RNF112: variants seen among roughly 807,000 people sequenced by gnomAD.
RNF112 encodes ring finger protein 112.
In RNF112, 34 loss-of-function variants were observed where a neutral mutation model predicts 64.7. The observed-to-expected ratio is 0.53, with a 90% CI of 0.40 to 0.70. The LOEUF is 0.70. Among genes scored for constraint, RNF112 ranks in the 30% least tolerant of loss-of-function variants. RNF112 has a pLI of 0.00. For synonymous variants in RNF112, 345 were observed against 344.5 expected, an observed-to-expected ratio of 1.00 and a Z score of -0.02; for missense variants, 734 against 850.0, an observed-to-expected ratio of 0.86 and a Z score of 1.70.
rs752619583 is a variant in RNF112 at position 19,415,190 on chromosome 17, C to A, written c.1279C>A (p.Leu427Ile). Residue 427 changes from leucine to isoleucine, a missense_variant, in exon 11 of 14, where the codon CTA becomes ATA. Coordinates refer to ENST00000461366, the MANE Select transcript of RNF112 (RefSeq NM_007148.5). This position sits in a 1 kb window ranked among gnomAD's most constrained non-coding sequence, Gnocchi z 7.8. ...GDRRLLTGQQ[L>I]AQEIKNLSGW... is the part of the protein sequence containing the mutation. The stretch of plus-strand genomic sequence containing the variant: ...CAGACGCCTACTCACGGGGCAGCAG[C>A]TAGCTCAGGAAATCAAGGTGTGAAA... 11 of 1,606,368 alleles carry A rather than the reference C, an allele frequency of 6.8e-6. No individual in the cohort carries two copies. The South Asian group carries it at 1.2e-4, about 18-fold the overall frequency.
At position 19,413,823 on chromosome 17, in the gene RNF112, C is replaced by T. The variant is rs1346760286; in HGVS notation, c.825+142C>T. The T allele has an allele frequency of 1.3e-5, 9 of 688,272 alleles. No homozygotes were observed. Among genetic ancestry groups the T allele is most frequent in the Admixed American group, 1.1e-4 (4 of 35,182 alleles). The allele number at this position is 688,272 out of a possible 1,614,324, so 42.6% of individuals were successfully genotyped here. A position where few individuals can be genotyped will look rare whatever the true frequency, so the allele number is the denominator to read the frequency against. ...GCTGCCTTAGAAGGGGGAAGGTGCT[C>T]CTAGTTGGTGAAGGTGGGAACGTGG... is the stretch of plus-strand genomic sequence containing the variant. On this transcript the variant is annotated intron_variant, in intron 6 of 13. Transcript: ENST00000461366. The surrounding 1 kb of genome is among the most constrained non-coding windows in gnomAD (Gnocchi z 5.9).
rs936583449 is a variant in RNF112 at position 19,413,187 on chromosome 17, G to T, written c.588+43G>T. On this transcript the variant is annotated intron_variant, in intron 4 of 13. Transcript: ENST00000461366. The surrounding 1 kb of genome is among the most constrained non-coding windows in gnomAD (Gnocchi z 5.9). ...CAGGAGGGAGGCGGGGAGCAAGGAT[G>T]GGGGTTCCTGCCTGGGGGAAGCTGG... 1.3e-6 allele frequency: 2 copies of T among 1,599,986 alleles called. No individual in the cohort carries two copies. Among genetic ancestry groups the T allele is most frequent in the Non-Finnish European group, 1.7e-6 (2 of 1,171,582 alleles).
At position 19,415,050 on chromosome 17, in the gene RNF112, A is replaced by T; in HGVS notation, c.1139A>T (p.Asp380Val). Reference sequence around the variant, plus strand: ...ATCTCTCCCTCAGACACAGATGATGACTTCCGCCACCTTCTGGGGGCCTAC... The same window carrying T: ...ATCTCTCCCTCAGACACAGATGATGTCTTCCGCCACCTTCTGGGGGCCTAC... ...GHASPGDTDD[D>V]FRHLLGAYVS... is the part of the protein sequence containing the mutation. The change falls in exon 11 of 14, where the codon GAC becomes GTC. Residue 380 changes from aspartate (D) to valine (V), a missense_variant. Asp to Val is a radical substitution (Grantham distance 152, BLOSUM62 -3). Coordinates refer to ENST00000461366, the MANE Select transcript of RNF112 (RefSeq NM_007148.5). The surrounding 1 kb of genome is among the most constrained non-coding windows in gnomAD (Gnocchi z 7.8). 1 of 1,587,202 alleles carries T rather than the reference A, an allele frequency of 6.3e-7. No individual in the cohort carries two copies.
chr17:19,411,735 C>G, intron 2 of RNF112, 65 bp downstream of exon 2: 3 of 1,501,878 alleles, frequency 2.0e-6, no homozygotes, highest in African/African-American at 1.4e-5. Flanking sequence ...GTTGAAATGG[C>G]CGGTCCTGGA....
rs550941836 is a variant in RNF112 at position 19,414,392 on chromosome 17, G to T, written c.877-57G>T. The T allele has an allele frequency of 6.9e-6, 11 of 1,600,368 alleles. No homozygotes were observed. The African/African-American group carries it at 1.3e-4, about 19-fold the overall frequency. On this transcript the variant is annotated intron_variant, in intron 7 of 13. Coordinates refer to ENST00000461366, the MANE Select transcript of RNF112 (RefSeq NM_007148.5). ...AGGGAGGTGGGGAGACAGGCTTGGG[G>T]TGCACCATAGTCCTCAAAGTGGCCC... is the stretch of plus-strand genomic sequence containing the variant.
chr17:19,411,769 G>A (rs1271537714), intron 2 of RNF112, 99 bp downstream of exon 2: 29 of 1,291,394 alleles, frequency 2.2e-5, no homozygotes, highest in Admixed American at 1.5e-4. Context: ...CAGCCCAGCC[G>A]GGAGGGCTGT....
In RNF112 at chr17:19,413,425, T is replaced by C. The variant is rs1436672278; in HGVS notation, c.720+14T>C. 5.0e-6 allele frequency: 8 copies of C among 1,600,344 alleles called. No individual in the cohort carries two copies. Among genetic ancestry groups the C allele is most frequent in the Non-Finnish European group, 6.8e-6 (8 of 1,172,036 alleles). ...GAAGGGAAGAAGGTGAGGGGGGAAGTGGCAGAAGGAGGTCAGGGATGGGAA... is the reference window on the plus strand; with the variant it reads ...GAAGGGAAGAAGGTGAGGGGGGAAGCGGCAGAAGGAGGTCAGGGATGGGAA... On this transcript the variant is annotated intron_variant, in intron 5 of 13. Transcript: ENST00000461366. This position sits in a 1 kb window ranked among gnomAD's most constrained non-coding sequence, Gnocchi z 5.9.
At chr17:19,414,419 G>C (rs1567936224) in intron 7 of RNF112, 30 bp from the exon 8 acceptor site, 1 of 1,613,830 alleles carries the variant, frequency 6.2e-7, no homozygotes. Flanking sequence ...AAGTGGCCCA[G>C]CCCTGACGCT....
In RNF112 at chr17:19,415,820, G is replaced by A. The variant is rs1430511236; in HGVS notation, c.1541G>A (p.Cys514Tyr). ...GCCCGCCATGGTGTGGCCTTACTCT[G>A]CAAGGGGAGAGATCAGACCTTGGAG... ...ILARHGVALLCKGRDQTLEAL... is the reference protein window; with the variant it reads ...ILARHGVALLYKGRDQTLEAL... Residue 514 changes from cysteine to tyrosine, a missense_variant, in exon 14 of 14, where the codon TGC becomes TAC. By Grantham distance (194) the Cys-to-Tyr change is radical. Transcript: ENST00000461366. This position sits in a 1 kb window ranked among gnomAD's most constrained non-coding sequence, Gnocchi z 7.8. 2 of 1,613,822 alleles carry A rather than the reference G, an allele frequency of 1.2e-6. No homozygotes were observed. The highest frequency in any genetic ancestry group is 8.5e-7 in the Non-Finnish European group (1 of 1,179,886).
At chr17:19,414,951 C>T in intron 10 of RNF112, 64 bp downstream of exon 10, 2 of 1,594,182 alleles carry the variant, frequency 1.3e-6, no homozygotes, top group Non-Finnish European at 1.7e-6. Context: ...GCAACCGAGC[C>T]CCTTGAAGCA....
In RNF112 at chr17:19,416,967, G is replaced by A. The variant is rs1186414932; in HGVS notation, c.*792G>A. 6.6e-6 allele frequency: 1 copy of A among 152,018 alleles called. No homozygotes were observed. Among genetic ancestry groups the A allele is most frequent in the African/African-American group, 2.4e-5 (1 of 41,354 alleles). The allele number at this position is 152,018 out of a possible 1,614,324, so 9.4% of individuals were successfully genotyped here. On this transcript the variant is annotated 3_prime_UTR_variant, in exon 14 of 14. Coordinates refer to ENST00000461366, the MANE Select transcript of RNF112 (RefSeq NM_007148.5). ...AGAATAACACCTTTTCTTGCATTCTGAGCTAAGCCAGACAGCCTTTATACT... is the reference window on the plus strand; with the variant it reads ...AGAATAACACCTTTTCTTGCATTCTAAGCTAAGCCAGACAGCCTTTATACT...
chr17:19,415,688 T>C lies in RNF112; in HGVS notation c.1426-17T>C, dbSNP rs1598137260. 1 of 1,601,420 alleles carries C rather than the reference T, an allele frequency of 6.2e-7. No individual in the cohort carries two copies. On this transcript the variant is annotated splice_polypyrimidine_tract_variant and intron_variant, in intron 13 of 13. Coordinates refer to ENST00000461366, the MANE Select transcript of RNF112 (RefSeq NM_007148.5). The surrounding 1 kb of genome is among the most constrained non-coding windows in gnomAD (Gnocchi z 7.8). ...GACTCCTGGTCAGGGCACCTTCTTT[T>C]CCCCTCCCTGTCACAGGACGTAGCC...
Position 19,412,842 on chromosome 17 carries a change from T to C in RNF112, c.381+59T>C. 1 of 1,590,004 alleles carries C rather than the reference T, an allele frequency of 6.3e-7. No homozygotes were observed. The highest frequency in any genetic ancestry group is 8.5e-7 in the Non-Finnish European group (1 of 1,172,006). ...GAGGAGGGGGTGGCTTTGGCCCTATTCTAGAACATCAGGACACAGAGCTCC... is the reference window on the plus strand; with the variant it reads ...GAGGAGGGGGTGGCTTTGGCCCTATCCTAGAACATCAGGACACAGAGCTCC... On this transcript the variant is annotated intron_variant, in intron 3 of 13. Transcript: ENST00000461366. The surrounding 1 kb of genome is among the most constrained non-coding windows in gnomAD (Gnocchi z 5.1).
chr17:19,413,304 AGAG>A lies in RNF112; in HGVS notation c.620_622del (p.Gly207del). 6.2e-7 allele frequency: 1 copy of A among 1,612,006 alleles called. No individual in the cohort carries two copies. The highest frequency in any genetic ancestry group is 8.5e-7 in the Non-Finnish European group (1 of 1,178,714). On this transcript the variant is annotated inframe_deletion, in exon 5 of 14. Transcript: ENST00000461366. The surrounding 1 kb of genome is among the most constrained non-coding windows in gnomAD (Gnocchi z 5.9). ...GGAGTCTGGTGAGGGCGGCCGGCCAAGAGGAGGAGAGGCATCCCTGCAGGGCTG... is the reference window on the plus strand; with the variant it reads ...GGAGTCTGGTGAGGGCGGCCGGCCAAGAGGAGAGGCATCCCTGCAGGGCTG...
At chr17:19,411,756 C>G (rs558289437) in intron 2 of RNF112, 86 bp downstream of exon 2, 3 of 1,406,506 alleles carry the variant, frequency 2.1e-6, no homozygotes, top group East Asian at 2.5e-5. Flanking sequence ...ACACAGAGCC[C>G]GGCAGCCCAG....
chr17:19,412,113 G>T lies in RNF112; in HGVS notation c.96-385G>T, dbSNP rs757000657. Among the ~76,000 whole-genome samples, 3 of 152,214 alleles carry T rather than the reference G, an allele frequency of 2.0e-5. No homozygotes were observed. The highest frequency in any genetic ancestry group is 4.4e-5 in the Non-Finnish European group (3 of 68,032). The stretch of plus-strand genomic sequence containing the variant: ...CCTCCTCTCGGATGGCCACCCCAAC[G>T]GCCCCATGAGGGGTATTGCTATCCT... On this transcript the variant is annotated intron_variant, in intron 2 of 13. Coordinates refer to ENST00000461366, the MANE Select transcript of RNF112 (RefSeq NM_007148.5). The surrounding 1 kb of genome is among the most constrained non-coding windows in gnomAD (Gnocchi z 5.1).
rs755599588 is a variant in RNF112 at position 19,413,421 on chromosome 17, G to C, written c.720+10G>C. ...GAAAGAAGGGAAGAAGGTGAGGGGG[G>C]AAGTGGCAGAAGGAGGTCAGGGATG... On this transcript the variant is annotated intron_variant, in intron 5 of 13. Transcript: ENST00000461366. This position sits in a 1 kb window ranked among gnomAD's most constrained non-coding sequence, Gnocchi z 5.9. The C allele has an allele frequency of 6.2e-7, 1 of 1,608,304 alleles. No homozygotes were observed. Among genetic ancestry groups the C allele is most frequent in the African/African-American group, 1.3e-5 (1 of 74,828 alleles).
rs768536555 is a variant in RNF112 at position 19,413,273 on chromosome 17, C to T, written c.589-7C>T. 1.9e-6 allele frequency: 3 copies of T among 1,605,696 alleles called. No homozygotes were observed. In the Middle Eastern group the frequency reaches 5.0e-4, roughly 266 times the overall value. On this transcript the variant is annotated splice_polypyrimidine_tract_variant and splice_region_variant and intron_variant, in intron 4 of 13. Coordinates refer to ENST00000461366, the MANE Select transcript of RNF112 (RefSeq NM_007148.5). This position sits in a 1 kb window ranked among gnomAD's most constrained non-coding sequence, Gnocchi z 5.9. The stretch of plus-strand genomic sequence containing the variant: ...CCAACTGATGCTCTCCCTTCTCTCC[C>T]CTGCAGGAGTCTGGTGAGGGCGGCC...
At chr17:19,414,685 G>A in intron 9 of RNF112, 25 bp downstream of exon 9, 1 of 1,610,698 alleles carries the variant, frequency 6.2e-7, no homozygotes, top group Non-Finnish European at 8.5e-7. Flanking sequence ...GGGATGGGGT[G>A]GAGGGGCCAT....
Sources: gnomAD v4.1 joint callset for allele counts (sites outside exome capture counted in the v4.1 genomes callset) on GRCh38, gnomAD v4.1.1 for gene constraint, Gnocchi (gnomAD v3.1) non-coding constraint, MANE v1.5 for transcripts, NCBI Gene and HGNC (gene_info 2026-07-23, HGNC 2026-07-21) for gene names.